The following CCDC60 variants were observed in gnomAD, a reference collection of about 807,000 sequenced individuals.
CCDC60 encodes coiled-coil domain containing 60.
CCDC60 carries 54 observed loss-of-function variants against 63.5 expected under a neutral mutation model. The observed-to-expected ratio is 0.85, with a 90% CI of 0.68 to 1.07. CCDC60 has a LOEUF of 1.07. Among genes scored for constraint, CCDC60 ranks in the 50% least tolerant of loss-of-function variants. The pLI is 0.00. For synonymous variants in CCDC60, 206 were observed against 238.8 expected (o/e 0.86, Z 1.27); for missense variants, 651 against 684.3 (o/e 0.95, Z 0.54).
At chr12:119,341,322 C>T (rs1316984934) in intron 1 of CCDC60, among the ~76,000 whole-genome samples, 1 of 133,304 alleles carries the variant, frequency 7.5e-6, no homozygotes, top group Non-Finnish European at 1.6e-5. Flanking sequence ...GTCCCATCTG[C>T]AAGGAGGCAG....
At position 119,420,911 on chromosome 12, in the gene CCDC60, A is replaced by C. The variant is rs1956800209; in HGVS notation, c.91-7772A>C. Among the ~76,000 whole-genome samples, 1 of 152,200 alleles carries C rather than the reference A, an allele frequency of 6.6e-6. No individual in the cohort carries two copies. The highest frequency in any genetic ancestry group is 1.5e-5 in the Non-Finnish European group (1 of 68,032). On this transcript the variant is annotated intron_variant, in intron 1 of 13. Coordinates refer to ENST00000327554, the MANE Select transcript of CCDC60 (RefSeq NM_178499.5). The surrounding 1 kb of genome is among the most constrained non-coding windows in gnomAD (Gnocchi z 4.1). ...AACTTAAACATCCGTGTGCAAGCTA[A>C]GGTCTCCGGGTTCATGTGTGTACTC...
intron 8 of CCDC60, among the ~76,000 whole-genome samples, chr12:119,519,175 A>C (rs1952428947): frequency 6.6e-6 from 1 of 152,124 alleles, no homozygotes; most frequent in African/African-American, 2.4e-5. Context: ...ATCAAGGCTG[A>C]CATCGAACTG....
intron 5 of CCDC60, among the ~76,000 whole-genome samples, chr12:119,494,161 C>T (rs762944640): frequency 7.9e-5 from 12 of 152,124 alleles, no homozygotes; most frequent in African/African-American, 1.4e-4. Context: ...AAGAACCAAC[C>T]GAAGACCTAC....
In CCDC60 at chr12:119,488,741, C is replaced by G; in HGVS notation, c.450-18C>G. Reference sequence around the variant, plus strand: ...TTCTAACAGGATCCCACTGTGTTCCCTCTCTCTGTCTTTGCAGCGAGCCCC... The same window carrying G: ...TTCTAACAGGATCCCACTGTGTTCCGTCTCTCTGTCTTTGCAGCGAGCCCC... On this transcript the variant is annotated intron_variant, in intron 4 of 13. Coordinates refer to ENST00000327554, the MANE Select transcript of CCDC60 (RefSeq NM_178499.5). 6.2e-7 allele frequency: 1 copy of G among 1,609,830 alleles called. No homozygotes were observed. The highest frequency in any genetic ancestry group is 8.5e-7 in the Non-Finnish European group (1 of 1,176,090).
chr12:119,383,547 A>G (rs1030389987), intron 1 of CCDC60, among the ~76,000 whole-genome samples: 1 of 152,248 alleles, frequency 6.6e-6, no homozygotes, highest in Non-Finnish European at 1.5e-5. Flanking sequence ...CGCGACAGCT[A>G]TGATGGGCTG....
At chr12:119,376,778 A>C (rs1955955274) in intron 1 of CCDC60, among the ~76,000 whole-genome samples, 1 of 151,986 alleles carries the variant, frequency 6.6e-6, no homozygotes, top group Admixed American at 6.6e-5. Flanking sequence ...TTTCCAACAG[A>C]GTGGCTACTT....
intron 4 of CCDC60, among the ~76,000 whole-genome samples, chr12:119,486,498 A>C (rs920848204): frequency 3.9e-5 from 6 of 152,184 alleles, no homozygotes; most frequent in Non-Finnish European, 7.3e-5. Context: ...ACAGAATGAG[A>C]GCCTGTCTCT....
At chr12:119,483,737 A>G (rs1466585034) in intron 4 of CCDC60, among the ~76,000 whole-genome samples, 1 of 152,122 alleles carries the variant, frequency 6.6e-6, no homozygotes, top group Non-Finnish European at 1.5e-5. Context: ...GACTGCTGGC[A>G]CTCGCCCGGA....
chr12:119,396,305 C>T (rs548756046), intron 1 of CCDC60, among the ~76,000 whole-genome samples: 1 of 152,178 alleles, frequency 6.6e-6, no homozygotes, highest in Admixed American at 6.5e-5. Flanking sequence ...ATGACTTTAT[C>T]TTGACTAATT....
intron 5 of CCDC60, among the ~76,000 whole-genome samples, chr12:119,497,120 G>T (rs980202740): frequency 6.6e-6 from 1 of 152,090 alleles, no homozygotes; most frequent in Non-Finnish European, 1.5e-5. Flanking sequence ...TCATCTACCC[G>T]AAGTCCCACA....
intron 5 of CCDC60, among the ~76,000 whole-genome samples, chr12:119,492,489 C>T (rs1951614697): frequency 6.6e-6 from 1 of 152,134 alleles, no homozygotes; most frequent in Non-Finnish European, 1.5e-5. Flanking sequence ...AAGAAAACAC[C>T]TTTTCAGTTA....
intron 2 of CCDC60, among the ~76,000 whole-genome samples, chr12:119,450,107 T>C (rs1950604311): frequency 6.6e-6 from 1 of 152,166 alleles, no homozygotes; most frequent in African/African-American, 2.4e-5. Context: ...TCATGTCTTT[T>C]GCAGCAACAT....
At chr12:119,343,518 C>A (rs894710372) in intron 1 of CCDC60, among the ~76,000 whole-genome samples, 6 of 151,974 alleles carry the variant, frequency 3.9e-5, no homozygotes, top group Non-Finnish European at 7.4e-5. Context: ...TGAGCACCTA[C>A]CATGTGACAG....
intron 1 of CCDC60, among the ~76,000 whole-genome samples, chr12:119,387,688 A>G (rs527918740): frequency 3.9e-5 from 6 of 152,300 alleles, no homozygotes; most frequent in Admixed American, 1.3e-4. Context: ...TTATTTCACA[A>G]CTTCTTAAAA....
intron 2 of CCDC60, among the ~76,000 whole-genome samples, chr12:119,468,536 G>A (rs1345323608): frequency 6.6e-6 from 1 of 152,148 alleles, no homozygotes; most frequent in Non-Finnish European, 1.5e-5. Context: ...AATTTTACAT[G>A]AGCTGAGAAG....
chr12:119,514,104 C>A (rs1208970641), intron 7 of CCDC60, among the ~76,000 whole-genome samples: 1 of 152,036 alleles, frequency 6.6e-6, no homozygotes, highest in Non-Finnish European at 1.5e-5. Flanking sequence ...TGAAAGACAG[C>A]AATATTGATA....
intron 1 of CCDC60, among the ~76,000 whole-genome samples, chr12:119,384,448 C>T (rs1465563580): frequency 6.6e-6 from 1 of 152,152 alleles, no homozygotes; most frequent in Non-Finnish European, 1.5e-5. Context: ...ATCCCTCTGT[C>T]GACTGCAATG....
intron 1 of CCDC60, among the ~76,000 whole-genome samples, chr12:119,411,035 A>G (rs189630816): frequency 2.7e-3 from 412 of 152,292 alleles, no homozygotes; most frequent in African/African-American, 9.4e-3. Flanking sequence ...GCCCGGCCAC[A>G]TTTATTTTTT....
Position 119,334,975 on chromosome 12 carries a change from G to A in CCDC60, c.-202G>A. On this transcript the variant is annotated 5_prime_UTR_variant, in exon 1 of 14. Transcript: ENST00000327554. ...AGGCTTGCCTGATTCTGCCCTACCC[G>A]GACTTCCTTATCCCGTCTGTGGGAG... is the stretch of plus-strand genomic sequence containing the variant. 1 of 451,048 alleles carries A rather than the reference G, an allele frequency of 2.2e-6. No individual in the cohort carries two copies. The highest frequency in any genetic ancestry group is 5.3e-5 in the South Asian group (1 of 18,832). 27.9% of individuals were successfully genotyped at this position (451,048 alleles called of 1,614,324 possible). A position where few individuals can be genotyped will look rare whatever the true frequency, so the allele number is the denominator to read the frequency against.
Sources: allele counts gnomAD v4.1 joint callset (sites outside exome capture counted in the v4.1 genomes callset), GRCh38; gene constraint gnomAD v4.1.1; non-coding constraint Gnocchi (gnomAD v3.1); transcripts MANE v1.5; gene names NCBI Gene and HGNC (gene_info 2026-07-23, HGNC 2026-07-21).